Variants in MUC17 observed in about 807,000 individuals in gnomAD.
MUC17 encodes mucin-17.
MUC17 carries 190 observed loss-of-function variants against 170.3 expected under a neutral mutation model. The observed-to-expected ratio is 1.12, with a 90% CI of 0.99 to 1.26. The LOEUF (loss-of-function observed/expected upper bound fraction) is 1.26, where lower values mean the gene tolerates loss of function less well. MUC17 is among the 50% of genes most tolerant of loss of function. MUC17 has a pLI of 0.00. For synonymous variants in MUC17, 2,325 were observed against 2,002.5 expected (o/e 1.16, Z -4.30); for missense variants, 6,415 against 5,530.0 (o/e 1.16, Z -5.08).
Position 101,053,130 on chromosome 7 carries a change from CAA to C in MUC17, c.13249_13250del (p.Lys4417GlufsTer34), listed in dbSNP as rs758320858. 517 of 1,613,844 alleles carry C rather than the reference CAA, an allele frequency of 3.2e-4. 1 individual carries two copies. The highest frequency in any genetic ancestry group is 1.2e-3 in the Admixed American group (71 of 59,966). On this transcript the variant is annotated frameshift_variant, in exon 10 of 13. Coordinates refer to ENST00000306151, the MANE Select transcript of MUC17 (RefSeq NM_001040105.2). LOFTEE classifies it high-confidence loss of function. Reference sequence around the variant, plus strand: ...CTCTCCTGATGCTCGTTTTCCGCTCCAAGAGAGAGGTGAAACGGTGAGCGAGC... The same window carrying C: ...CTCTCCTGATGCTCGTTTTCCGCTCCGAGAGAGGTGAAACGGTGAGCGAGC... ...VALLMLVFRS[K>X]REVKRQKYRL... is the part of the protein sequence containing the mutation.
intron 7 of MUC17, among the ~76,000 whole-genome samples, chr7:101,051,199 C>G (rs1794934974): frequency 6.6e-6 from 1 of 151,644 alleles, no homozygotes. Flanking sequence ...AACCCCATCT[C>G]TACTGAAAAT....
Position 101,036,802 on chromosome 7 carries a change from A to C in MUC17, c.5386A>C (p.Thr1796Pro), listed in dbSNP as rs764075011. ...ATSSPTTAEG[T>P]SIPTSTLSEG... ...TTCGTCTCCTACAACTGCTGAAGGTACCAGCATACCAACCTCGACTCTTAG... is the reference window on the plus strand; with the variant it reads ...TTCGTCTCCTACAACTGCTGAAGGTCCCAGCATACCAACCTCGACTCTTAG... The change falls in exon 3 of 13, where the codon ACC becomes CCC. Residue 1796 changes from threonine (T) to proline (P), a missense_variant. Thr to Pro is a conservative substitution (Grantham distance 38). Transcript: ENST00000306151. 34 of 1,605,500 alleles carry C rather than the reference A, an allele frequency of 2.1e-5. No individual in the cohort carries two copies. In the Admixed American group the frequency reaches 5.7e-4, roughly 27 times the overall value.
In MUC17 at chr7:101,037,455, C is replaced by T. The variant is rs551185542; in HGVS notation, c.6039C>T (p.Ser2013=). The T allele has an allele frequency of 2.5e-6, 4 of 1,611,024 alleles. No homozygotes were observed. The highest frequency in any genetic ancestry group is 2.2e-5 in the South Asian group (2 of 90,572). ...STLSTTPVDT[S]TPATTSTEGS... is the part of the protein sequence containing the mutation. ...TTTCCACAACTCCTGTTGACACCAG[C>T]ACTCCTGCCACCACTTCTACTGAAG... The change falls in exon 3 of 13, where the codon AGC becomes AGT. Residue 2013 remains serine (S), a synonymous_variant. Transcript: ENST00000306151.
In MUC17 at chr7:101,056,234, C is replaced by T; in HGVS notation, c.13404C>T (p.Phe4468=). 2 of 1,613,986 alleles carry T rather than the reference C, an allele frequency of 1.2e-6. No homozygotes were observed. The highest frequency in any genetic ancestry group is 1.7e-6 in the Non-Finnish European group (2 of 1,179,930). The change falls in exon 12 of 13, where the codon TTC becomes TTT. Residue 4468 remains phenylalanine (F), a synonymous_variant. Transcript: ENST00000306151. ...SIHLESIYSN[F]QPSLRHIDPE... ...ACCTGGAGTCCATCTATAGTAATTT[C>T]CAGCCCTCCTTGAGACACATAGACC...
At position 101,039,302 on chromosome 7, in the gene MUC17, G is replaced by A. The variant is rs1794605490; in HGVS notation, c.7886G>A (p.Ser2629Asn). Residue 2629 changes from serine to asparagine, a missense_variant, in exon 3 of 13, where the codon AGT becomes AAT. Physicochemically the swap from Ser to Asn is conservative, Grantham distance 46. Transcript: ENST00000306151. Reference protein sequence around the residue: ...KDTSMPISTPSEVSTSLTSIL... With the variant: ...KDTSMPISTPNEVSTSLTSIL... ...ACCAGCATGCCAATCTCAACTCCTA[G>A]TGAAGTAAGTACTTCATTAACAAGT... is the stretch of plus-strand genomic sequence containing the variant. 3.7e-6 allele frequency: 6 copies of A among 1,612,842 alleles called. No homozygotes were observed. The highest frequency in any genetic ancestry group is 1.6e-4 in the Middle Eastern group (1 of 6,070).
rs1794379198 is a variant in MUC17 at position 101,034,079 on chromosome 7, CT to C, written c.2664del (p.Pro889LeufsTer8). 1 of 1,585,142 alleles carries C rather than the reference CT, an allele frequency of 6.3e-7. No individual in the cohort carries two copies. Among genetic ancestry groups the C allele is most frequent in the Non-Finnish European group, 8.6e-7 (1 of 1,165,352 alleles). ...ATSAISTLST[T>X]PVDTSTPVTN... ...TCTGCAATCAGCACCCTTTCAACAA[CT>C]CCTGTTGACACCAGCACACCTGTGA... On this transcript the variant is annotated frameshift_variant, in exon 3 of 13. Transcript: ENST00000306151. LOFTEE classifies it high-confidence loss of function.
In MUC17 at chr7:101,020,121, G is replaced by T; in HGVS notation, c.-15G>T. 6.3e-7 allele frequency: 1 copy of T among 1,582,988 alleles called. No individual in the cohort carries two copies. Among genetic ancestry groups the T allele is most frequent in the Non-Finnish European group, 8.6e-7 (1 of 1,164,388 alleles). On this transcript the variant is annotated 5_prime_UTR_variant, in exon 1 of 13. Transcript: ENST00000306151. ...TCTGGGGGTGACAGGCAAGTGAGAC[G>T]TGCTCAGAGCTCCGATGCCAAGGCC...
rs1794351009 is a variant in MUC17, at chr7:101,033,274, C to G, written c.1858C>G (p.Pro620Ala). ...SSTTAEGTSMPTSTYSERGTT... is the reference protein window; with the variant it reads ...SSTTAEGTSMATSTYSERGTT... ...TACAACTGCTGAAGGTACCAGCATG[C>G]CAACCTCAACTTACAGTGAAAGAGG... The change falls in exon 3 of 13, where the codon CCA (proline) becomes GCA (alanine). Residue 620 changes from proline (P) to alanine (A), a missense_variant. Pro to Ala is a conservative substitution (Grantham distance 27). Coordinates refer to ENST00000306151, the MANE Select transcript of MUC17 (RefSeq NM_001040105.2). The G allele has an allele frequency of 6.2e-7, 1 of 1,613,892 alleles. No homozygotes were observed. The highest frequency in any genetic ancestry group is 8.5e-7 in the Non-Finnish European group (1 of 1,179,972).
At chr7:101,054,561 G>A (rs1795014826) in intron 11 of MUC17, among the ~76,000 whole-genome samples, 1 of 152,180 alleles carries the variant, frequency 6.6e-6, no homozygotes, top group Non-Finnish European at 1.5e-5. Context: ...AGACGCAGTG[G>A]CTCATGCTTA....
At position 101,048,096 on chromosome 7, in the gene MUC17, G is replaced by A. The variant is rs1021673149; in HGVS notation, c.12516G>A (p.Val4172=). The change falls in exon 4 of 13, where the codon GTG becomes GTA. Residue 4172 remains valine (V), a synonymous_variant. Coordinates refer to ENST00000306151, the MANE Select transcript of MUC17 (RefSeq NM_001040105.2). The part of the protein sequence containing the change: ...NLYYGELCEE[V]VSSIDIGPPE... The stretch of plus-strand genomic sequence containing the variant: ...ATTATGGGGAGTTGTGTGAGGAGGT[G>A]GTCAGCAGCATTGACATAGGTGAGT... 6.2e-7 allele frequency: 1 copy of A among 1,601,362 alleles called. No individual in the cohort carries two copies. The highest frequency in any genetic ancestry group is 1.7e-5 in the Admixed American group (1 of 58,340).
intron 3 of MUC17, among the ~76,000 whole-genome samples, chr7:101,046,714 G>A (rs1193595096): frequency 6.6e-6 from 1 of 151,966 alleles, no homozygotes; most frequent in Non-Finnish European, 1.5e-5. Context: ...GGAGGTCAAG[G>A]CTGTAGTGAG....
At chr7:101,022,259 C>T (rs375140724) in intron 1 of MUC17, among the ~76,000 whole-genome samples, 1 of 151,772 alleles carries the variant, frequency 6.6e-6, no homozygotes, top group African/African-American at 2.4e-5. Context: ...CTCCACCTCC[C>T]AGGTTCAAGC....
chr7:101,039,161 G>C lies in MUC17; in HGVS notation c.7745G>C (p.Ser2582Thr), dbSNP rs756908702. 5.0e-6 allele frequency: 8 copies of C among 1,613,794 alleles called. No individual in the cohort carries two copies. The highest frequency in any genetic ancestry group is 1.7e-5 in the Admixed American group (1 of 59,994). The change falls in exon 3 of 13, where the codon AGC becomes ACC. Residue 2582 changes from serine (S) to threonine (T), a missense_variant. Transcript: ENST00000306151. The stretch of plus-strand genomic sequence containing the variant: ...ACTCCATTAAGAAGTATGCCTGTCA[G>C]CACCAAGCCGTTGGCCAGTTCTGAG... ...GSTPLRSMPV[S>T]TKPLASSEAS...
intron 1 of MUC17, among the ~76,000 whole-genome samples, chr7:101,021,181 C>CTTTTTT (rs60346243): frequency 1.2e-5 from 1 of 84,132 alleles, no homozygotes; most frequent in Non-Finnish European, 2.2e-5. Context: ...CTGTCTCCTC[C>CTTTTTT]TTTTTTTTTT....
At chr7:101,052,018 C>T (rs1794957635) in intron 9 of MUC17, 56 bp downstream of exon 9, 4 of 1,564,260 alleles carry the variant, frequency 2.6e-6, no homozygotes, top group Non-Finnish European at 2.6e-6. Context: ...CCTCCCCTCC[C>T]CTGCAGGGCT....
intron 11 of MUC17, among the ~76,000 whole-genome samples, chr7:101,054,275 A>G (rs909988623): frequency 6.6e-6 from 1 of 152,088 alleles, no homozygotes; most frequent in Non-Finnish European, 1.5e-5. Context: ...TGAGGGTGGT[A>G]GATTTCTCTA....
At chr7:101,026,370 T>C (rs1319333737) in intron 1 of MUC17, among the ~76,000 whole-genome samples, 1 of 152,232 alleles carries the variant, frequency 6.6e-6, no homozygotes, top group Non-Finnish European at 1.5e-5. Context: ...TGAAGCCTCG[T>C]TGGCCTTGGT....
intron 3 of MUC17, 72 bp downstream of exon 3, chr7:101,043,891 G>C: frequency 1.4e-6 from 2 of 1,425,094 alleles, no homozygotes; most frequent in Non-Finnish European, 1.9e-6. Context: ...TGCACAACGT[G>C]CAGGTTTGTT....
intron 9 of MUC17, 29 bp from the exon 10 acceptor site, chr7:101,052,957 C>T: frequency 1.2e-6 from 2 of 1,601,312 alleles, no homozygotes; most frequent in Non-Finnish European, 1.7e-6. Flanking sequence ...GTTCTCTCTC[C>T]CCAACCTGCC....
Sources: gnomAD v4.1 joint callset for allele counts (sites outside exome capture counted in the v4.1 genomes callset) on GRCh38, gnomAD v4.1.1 for gene constraint, MANE v1.5 for transcripts, NCBI Gene and HGNC (gene_info 2026-07-23, HGNC 2026-07-21) for gene names.